Variants in MUSK observed in about 807,000 individuals in gnomAD.
The protein encoded by MUSK is muscle, skeletal receptor tyrosine-protein kinase.
A neutral mutation model predicts 88.7 loss-of-function variants in MUSK; 55 were observed. The observed-to-expected ratio is 0.62, with a 90% confidence interval of 0.50 to 0.78. The LOEUF is 0.78. Ranked by LOEUF, MUSK falls within the 30% of genes least tolerant of loss-of-function variation. The probability of loss-of-function intolerance (pLI) is 0.00; values close to 1 mark genes in which losing one functional copy is unlikely to be tolerated. For synonymous variants in MUSK, 387 were observed against 391.9 expected (o/e 0.99, Z 0.15); for missense variants, 1,015 against 1,074.3 (o/e 0.94, Z 0.77).
intron 5 of MUSK, 69 bp downstream of exon 5, chr9:110,697,535 C>T (rs140983107): frequency 1.5e-4 from 224 of 1,514,760 alleles, no homozygotes; most frequent in Non-Finnish European, 1.9e-4. Context: ...AAGGCTGCAC[C>T]TGGGCTTGGG....
chr9:110,757,919 TCAC>T (rs2131912433), intron 7 of MUSK, among the ~76,000 whole-genome samples: 1 of 152,320 alleles, frequency 6.6e-6, no homozygotes, highest in South Asian at 2.1e-4. Flanking sequence ...CCTCTTTTGA[TCAC>T]CATTCCATGT....
intron 8 of MUSK, among the ~76,000 whole-genome samples, chr9:110,763,255 T>C (rs560045166): frequency 6.6e-6 from 1 of 152,344 alleles, no homozygotes; most frequent in East Asian, 1.9e-4. Flanking sequence ...TTTGTCATAA[T>C]TGACTGCATT....
chr9:110,698,702 G>C (rs959895764), intron 5 of MUSK, among the ~76,000 whole-genome samples: 3 of 152,038 alleles, frequency 2.0e-5, no homozygotes, highest in African/African-American at 7.2e-5. Context: ...GGAAAATAAT[G>C]AGGTTGGTGG....
chr9:110,755,974 A>ATACG lies in MUSK; in HGVS notation c.914-6226_914-6225insCGTA, dbSNP rs1554750861. On this transcript the variant is annotated intron_variant, in intron 7 of 14. Transcript: ENST00000374448. ...TACACATATATATATACATATATATATATACATATATATATATATATATGA... is the reference window on the plus strand; with the variant it reads ...TACACATATATATATACATATATATATACGTATACATATATATATATATATATGA... Among the ~76,000 whole-genome samples the ATACG allele has an allele frequency of 1.6e-3, 139 of 84,942 alleles. 3 individuals carry two copies. The highest frequency in any genetic ancestry group is 0.015 in the Middle Eastern group (2 of 130). 55.7% of individuals were successfully genotyped at this position (84,942 alleles called of 152,430 possible).
intron 3 of MUSK, among the ~76,000 whole-genome samples, chr9:110,689,490 G>A (rs2076258169): frequency 3.1e-5 from 3 of 98,090 alleles, no homozygotes; most frequent in African/African-American, 9.6e-5. Context: ...ATAAAAATAT[G>A]TAAAAAATAC....
rs761026541 is a variant in MUSK at position 110,734,312 on chromosome 9, C to T, written c.690C>T (p.Thr230=). The change falls in exon 6 of 15, where the codon ACC becomes ACT. Residue 230 remains threonine, a synonymous_variant. Transcript: ENST00000374448. ...SHNVTFGSFV[T]LHCTATGIPV... Reference sequence around the variant, plus strand: ...ATGTCACCTTTGGCTCCTTTGTGACCCTGCACTGTACAGCAACAGGCATTC... The same window carrying T: ...ATGTCACCTTTGGCTCCTTTGTGACTCTGCACTGTACAGCAACAGGCATTC... 1 of 1,613,276 alleles carries T rather than the reference C, an allele frequency of 6.2e-7. No individual in the cohort carries two copies. Among genetic ancestry groups the T allele is most frequent in the Non-Finnish European group, 8.5e-7 (1 of 1,179,468 alleles).
At chr9:110,766,654 T>C (rs111455969) in intron 8 of MUSK, among the ~76,000 whole-genome samples, 322 of 152,356 alleles carry the variant, frequency 2.1e-3, no homozygotes, top group East Asian at 6.0e-3. Context: ...TTAAATTCAA[T>C]TGGGGTCACG....
chr9:110,705,228 C>G lies in MUSK; in HGVS notation c.628+7762C>G, dbSNP rs184229445. Among the ~76,000 whole-genome samples, 7 of 152,232 alleles carry G rather than the reference C, an allele frequency of 4.6e-5. No individual in the cohort carries two copies. The East Asian group carries it at 1.4e-3, about 29-fold the overall frequency. On this transcript the variant is annotated intron_variant, in intron 5 of 14. Transcript: ENST00000374448. ...GCAGTTCTGTTGCTCCATTGATCTC[C>G]AAGACAAACTCAGGGATGGGAAAAG...
At chr9:110,729,418 T>C (rs2076936174) in intron 5 of MUSK, among the ~76,000 whole-genome samples, 1 of 151,100 alleles carries the variant, frequency 6.6e-6, no homozygotes, top group Non-Finnish European at 1.5e-5. Flanking sequence ...AACCTAAAAT[T>C]TGATATTTGG....
intron 10 of MUSK, 91 bp downstream of exon 10, chr9:110,776,054 C>T: frequency 7.2e-7 from 1 of 1,387,070 alleles, no homozygotes; most frequent in Non-Finnish European, 9.7e-7. Flanking sequence ...TCTAATATTT[C>T]TAGGCATTTC....
intron 5 of MUSK, chr9:110,706,144 C>T (rs758881037): frequency 1.9e-6 from 1 of 524,530 alleles, no homozygotes; most frequent in Non-Finnish European, 3.9e-6. Flanking sequence ...TAGCTGTCCC[C>T]AAATATGAGA....
At chr9:110,741,796 G>A (rs1401369413) in intron 6 of MUSK, among the ~76,000 whole-genome samples, 2 of 152,214 alleles carry the variant, frequency 1.3e-5, no homozygotes, top group African/African-American at 4.8e-5. Context: ...CTTGAGGCAT[G>A]GTAGAATGAG....
At chr9:110,782,391 A>G (rs149750182) in intron 11 of MUSK, among the ~76,000 whole-genome samples, 197 of 152,358 alleles carry the variant, frequency 1.3e-3, no homozygotes, top group African/African-American at 4.6e-3. Context: ...ATTTAAATCC[A>G]TAAAGCAAAA....
intron 6 of MUSK, among the ~76,000 whole-genome samples, chr9:110,737,358 A>C (rs1029995316): frequency 6.6e-6 from 1 of 151,830 alleles, no homozygotes; most frequent in African/African-American, 2.4e-5. Flanking sequence ...AAATCAATAA[A>C]ACACTTCATC....
intron 1 of MUSK, 46 bp from the exon 2 acceptor site, chr9:110,682,628 A>C (rs758578036): frequency 1.3e-6 from 2 of 1,598,462 alleles, no homozygotes; most frequent in Admixed American, 1.7e-5. Context: ...AGGGTTAGTA[A>C]ACAAAATTCT....
At chr9:110,774,923 A>G (rs2077643687) in intron 9 of MUSK, among the ~76,000 whole-genome samples, 1 of 152,080 alleles carries the variant, frequency 6.6e-6, no homozygotes, top group South Asian at 2.1e-4. Context: ...TGAATCCTTC[A>G]GATACTGAAT....
chr9:110,684,972 T>C lies in MUSK; in HGVS notation c.207-2145T>C, dbSNP rs541463581. Among the ~76,000 whole-genome samples, 22 of 152,288 alleles carry C rather than the reference T, an allele frequency of 1.4e-4. No individual in the cohort carries two copies. In the East Asian group the frequency reaches 4.2e-3, roughly 29 times the overall value. On this transcript the variant is annotated intron_variant, in intron 2 of 14. Coordinates refer to ENST00000374448, the MANE Select transcript of MUSK (RefSeq NM_005592.4). The stretch of plus-strand genomic sequence containing the variant: ...CCCTTAATATCTTTCTCTTGTCTGA[T>C]TGCTCTAGGTAGGACTTCCAGGACT...
In MUSK at chr9:110,801,687, G is replaced by A. The variant is rs1372094580; in HGVS notation, c.*699G>A. On this transcript the variant is annotated 3_prime_UTR_variant, in exon 15 of 15. Coordinates refer to ENST00000374448, the MANE Select transcript of MUSK (RefSeq NM_005592.4). The stretch of plus-strand genomic sequence containing the variant: ...TTTCTGTGCATTTGTCATGAATTAA[G>A]TCTGCTTATTTTATTCCTCCAGTTT... The A allele has an allele frequency of 6.6e-6, 1 of 152,060 alleles. No individual in the cohort carries two copies. Among genetic ancestry groups the A allele is most frequent in the Admixed American group, 6.5e-5 (1 of 15,278 alleles). 9.4% of individuals were successfully genotyped at this position (152,060 alleles called of 1,614,324 possible).
At position 110,701,902 on chromosome 9, in the gene MUSK, T is replaced by C. The variant is rs559686340; in HGVS notation, c.628+4436T>C. 1.1e-3 allele frequency among the ~76,000 whole-genome samples: 140 copies of C among 125,668 alleles called. 1 individual carries two copies. The highest frequency in any genetic ancestry group is 1.9e-3 in the Non-Finnish European group (115 of 61,578). 82.4% of individuals were successfully genotyped at this position (125,668 alleles called of 152,430 possible). Reference sequence around the variant, plus strand: ...TTATTTTATTTTATTTTATTTTATTTTATTTTATTTTATTTTATTTTATTT... The same window carrying C: ...TTATTTTATTTTATTTTATTTTATTCTATTTTATTTTATTTTATTTTATTT... On this transcript the variant is annotated intron_variant, in intron 5 of 14. Transcript: ENST00000374448.
Sources: allele counts gnomAD v4.1 joint callset (sites outside exome capture counted in the v4.1 genomes callset), GRCh38; gene constraint gnomAD v4.1.1; transcripts MANE v1.5; gene names NCBI Gene and HGNC (gene_info 2026-07-23, HGNC 2026-07-21).